The following C10orf53 variants were observed in gnomAD, a reference collection of about 807,000 sequenced individuals.
C10orf53 encodes UPF0728 protein C10orf53.
C10orf53 carries 8 observed loss-of-function variants against 9.4 expected under a neutral mutation model. The ratio of observed to expected loss-of-function variants is 0.85; its 90% CI spans 0.50 to 1.53. The LOEUF is 1.53. Among genes scored for constraint, C10orf53 ranks in the 40% most tolerant of loss-of-function variants. The pLI is 0.00. For missense variants in C10orf53, 117 were observed against 117.8 expected, an observed-to-expected ratio of 0.99 and a Z score of 0.03; for synonymous variants, 48 against 46.0, an observed-to-expected ratio of 1.04 and a Z score of -0.18.
intron 2 of C10orf53, among the ~76,000 whole-genome samples, chr10:49,706,605 GTTTC>G: frequency 6.6e-6 from 1 of 152,010 alleles, no homozygotes. Flanking sequence ...AGAATAAGGT[GTTTC>G]TTTTTTTTTT....
At chr10:49,689,544 A>C (rs1011476155) in intron 1 of C10orf53, among the ~76,000 whole-genome samples, 3 of 152,056 alleles carry the variant, frequency 2.0e-5, no homozygotes, top group Admixed American at 6.5e-5. Context: ...CAAACCTCAC[A>C]CACGCACTAG....
intron 1 of C10orf53, among the ~76,000 whole-genome samples, chr10:49,690,039 C>A (rs1840568673): frequency 6.6e-6 from 1 of 152,092 alleles, no homozygotes; most frequent in African/African-American, 2.4e-5. Context: ...TCTGAGACGG[C>A]AGGCTCTGGA....
chr10:49,704,275 C>T (rs758585023), intron 2 of C10orf53, among the ~76,000 whole-genome samples: 1 of 152,188 alleles, frequency 6.6e-6, no homozygotes, highest in African/African-American at 2.4e-5. Flanking sequence ...ATTTGCAACT[C>T]ATATCCTTAA....
chr10:49,692,878 A>G (rs1050797916), intron 1 of C10orf53, among the ~76,000 whole-genome samples: 1 of 152,244 alleles, frequency 6.6e-6, no homozygotes, highest in Non-Finnish European at 1.5e-5. Context: ...TGAGAATAAA[A>G]AGTTAGTTCA....
In C10orf53 at chr10:49,696,759, G is replaced by C. The variant is rs940619666; in HGVS notation, c.*2157G>C. ...GAGGTTTCCTCTGAGCAGTGGGATT[G>C]GGGGGTGTGGGGGGCAGGTGAGGTA... On this transcript the variant is annotated 3_prime_UTR_variant, in exon 3 of 3. Coordinates refer to ENST00000374111, the MANE Select transcript of C10orf53 (RefSeq NM_001042427.3). 6.6e-6 allele frequency among the ~76,000 whole-genome samples: 1 copy of C among 152,186 alleles called. No homozygotes were observed. The highest frequency in any genetic ancestry group is 2.4e-5 in the African/African-American group (1 of 41,430).
chr10:49,688,636 C>T (rs1405354494), intron 1 of C10orf53, among the ~76,000 whole-genome samples: 1 of 138,154 alleles, frequency 7.2e-6, no homozygotes. Flanking sequence ...CCCCTCATCT[C>T]ACCCCCTCCT....
At chr10:49,682,966 G>C (rs936308442) in intron 1 of C10orf53, among the ~76,000 whole-genome samples, 4 of 152,144 alleles carry the variant, frequency 2.6e-5, no homozygotes, top group Non-Finnish European at 4.4e-5. Context: ...TTGTTTATCT[G>C]TTTATCTGTT....
At chr10:49,682,030 A>G (rs1028059139) in intron 1 of C10orf53, among the ~76,000 whole-genome samples, 8 of 152,110 alleles carry the variant, frequency 5.3e-5, no homozygotes, top group African/African-American at 1.7e-4. Context: ...GATGAGCCAC[A>G]CCTACCCACC....
chr10:49,707,004 C>G (rs1359568398), intron 2 of C10orf53, among the ~76,000 whole-genome samples: 1 of 152,216 alleles, frequency 6.6e-6, no homozygotes, highest in Non-Finnish European at 1.5e-5. Context: ...CAATCCTTTA[C>G]TCCTATGTTG....
chr10:49,681,510 TAGAG>T (rs1273283733), intron 1 of C10orf53, among the ~76,000 whole-genome samples: 1 of 152,234 alleles, frequency 6.6e-6, no homozygotes, highest in African/African-American at 2.4e-5. Flanking sequence ...GAACAGTTGA[TAGAG>T]AAATTTCTGT....
At chr10:49,681,164 C>T (rs1153783) in intron 1 of C10orf53, among the ~76,000 whole-genome samples, 54,756 of 152,034 alleles carry the variant, frequency 0.36, 10,690 homozygotes, top group Non-Finnish European at 0.43. Context: ...CTGAATTAAG[C>T]TTCATGTGCT....
intron 2 of C10orf53, among the ~76,000 whole-genome samples, chr10:49,703,470 G>A (rs572342572): frequency 8.0e-4 from 121 of 152,180 alleles, no homozygotes; most frequent in Non-Finnish European, 1.5e-3. Flanking sequence ...AATTGGAGCT[G>A]TTTAGCCAAG....
At chr10:49,708,569 T>A in exon 3 of C10orf53, 1 of 1,614,172 alleles carries the variant, frequency 6.2e-7, no homozygotes, top group South Asian at 1.1e-5. Flanking sequence ...CAGGCCTGGA[T>A]CACATGCTCA....
chr10:49,684,517 T>A (rs560996371), intron 1 of C10orf53, among the ~76,000 whole-genome samples: 3 of 152,196 alleles, frequency 2.0e-5, no homozygotes, highest in African/African-American at 4.8e-5. Context: ...TTTATTTAGA[T>A]CTTTCTTAAT....
chr10:49,681,187 G>A (rs1849637064), intron 1 of C10orf53, among the ~76,000 whole-genome samples: 1 of 152,184 alleles, frequency 6.6e-6, no homozygotes. Flanking sequence ...CGGCTACCTA[G>A]ACAGAGGTGC....
chr10:49,705,066 A>G (rs1280921350), intron 2 of C10orf53, among the ~76,000 whole-genome samples: 2 of 152,234 alleles, frequency 1.3e-5, no homozygotes, highest in Admixed American at 6.5e-5. Context: ...CATTCATTCA[A>G]TGGAGTCCTA....
At chr10:49,691,275 C>T (rs1464746014) in intron 1 of C10orf53, among the ~76,000 whole-genome samples, 1 of 152,174 alleles carries the variant, frequency 6.6e-6, no homozygotes, top group Non-Finnish European at 1.5e-5. Context: ...CTCAACACCT[C>T]CCAGAGTGAT....
chr10:49,702,530 C>T (rs1840691844), downstream of C10orf53, among the ~76,000 whole-genome samples: 1 of 152,174 alleles, frequency 6.6e-6, no homozygotes, highest in African/African-American at 2.4e-5. Context: ...TGACTATCCT[C>T]AAGCCGGGAT....
At position 49,696,170 on chromosome 10, in the gene C10orf53, T is replaced by C. The variant is rs962106284; in HGVS notation, c.*1568T>C. The C allele has an allele frequency of 6.6e-6, 1 of 152,230 alleles. No homozygotes were observed. Among genetic ancestry groups the C allele is most frequent in the African/African-American group, 2.4e-5 (1 of 41,466 alleles). 9.4% of individuals were successfully genotyped at this position (152,230 alleles called of 1,614,324 possible). ...TGTAAGTTTTTAAAAATTTTTCAAC[T>C]TTTATTTTAGATACAGGGGGTACAT... On this transcript the variant is annotated 3_prime_UTR_variant, in exon 3 of 3. Transcript: ENST00000374111.
Sources: allele counts gnomAD v4.1 joint callset (sites outside exome capture counted in the v4.1 genomes callset), GRCh38; gene constraint gnomAD v4.1.1; transcripts MANE v1.5; gene names NCBI Gene and HGNC (gene_info 2026-07-23, HGNC 2026-07-21).